The following CFAP57 variants were observed in gnomAD, a reference collection of about 807,000 sequenced individuals.
The protein encoded by CFAP57 is cilia- and flagella-associated protein 57.
A neutral mutation model predicts 146.8 loss-of-function variants in CFAP57; 116 were observed. The observed-to-expected ratio is 0.79, with a 90% CI of 0.68 to 0.92. The LOEUF is 0.92. CFAP57 is among the 40% of genes least tolerant of loss of function. CFAP57 has a pLI of 0.00. For missense variants in CFAP57, 1,377 were observed against 1,527.2 expected (o/e 0.90, Z 1.64); for synonymous variants, 518 against 552.8 (o/e 0.94, Z 0.88).
At chr1:43,239,525 C>T (rs866887987) in intron 21 of CFAP57, among the ~76,000 whole-genome samples, 74 of 152,300 alleles carry the variant, frequency 4.9e-4, no homozygotes, top group African/African-American at 1.7e-3. Flanking sequence ...AGGGAGAACA[C>T]TGAGAGCTGG....
intron 9 of CFAP57, among the ~76,000 whole-genome samples, chr1:43,202,964 G>A (rs1644196960): frequency 6.6e-6 from 1 of 152,056 alleles, no homozygotes; most frequent in South Asian, 2.1e-4. Context: ...ACGAGGTCAG[G>A]AGATGGAGAT....
At chr1:43,224,885 C>T (rs1178247756) in intron 17 of CFAP57, among the ~76,000 whole-genome samples, 1 of 152,168 alleles carries the variant, frequency 6.6e-6, no homozygotes, top group East Asian at 1.9e-4. Flanking sequence ...GCACAGGTTC[C>T]ATTTATTGAC....
At chr1:43,235,669 G>C (rs1336606557) in intron 21 of CFAP57, among the ~76,000 whole-genome samples, 1 of 152,106 alleles carries the variant, frequency 6.6e-6, no homozygotes, top group Non-Finnish European at 1.5e-5. Context: ...GCCATCGGAG[G>C]CCCAGAGATA....
intron 6 of CFAP57, 139 bp downstream of exon 6, chr1:43,186,998 C>A (rs1643171385): frequency 2.0e-6 from 2 of 1,015,356 alleles, no homozygotes; most frequent in Non-Finnish European, 2.9e-6. Flanking sequence ...AAACAAAATT[C>A]TAATTTTAAG....
intron 9 of CFAP57, 96 bp from the exon 10 acceptor site, chr1:43,206,624 C>A: frequency 8.1e-7 from 1 of 1,238,914 alleles, no homozygotes. Flanking sequence ...ACGTTCTGCT[C>A]AGTCTAGTGG....
At position 43,234,310 on chromosome 1, in the gene CFAP57, T is replaced by A. The variant is rs1645597441; in HGVS notation, c.3158T>A (p.Phe1053Tyr). The part of the protein sequence containing the change: ...ERDLEALVKR[F>Y]KTDLHNCVAY... ...GACTTGGAAGCGCTGGTCAAAAGGT[T>A]TAAAACAGACCTCCACAACTGCGTA... The change falls in exon 20 of 23, where the codon TTT becomes TAT. Residue 1053 changes from phenylalanine to tyrosine, a missense_variant. Transcript: ENST00000372492. The A allele has an allele frequency of 1.3e-6, 2 of 1,549,294 alleles. No individual in the cohort carries two copies.
chr1:43,232,424 C>T (rs1228651505), intron 18 of CFAP57, 84 bp from the exon 19 acceptor site: 2 of 1,129,884 alleles, frequency 1.8e-6, no homozygotes, highest in Non-Finnish European at 2.6e-6. Context: ...GGGGTGGCAT[C>T]CCCACTGAAA....
intron 22 of CFAP57, among the ~76,000 whole-genome samples, chr1:43,246,481 G>C (rs78823027): frequency 0.047 from 7,143 of 152,130 alleles, 579 homozygotes; most frequent in African/African-American, 0.16. Context: ...ACATACAAAA[G>C]AATTAAGGTA....
At chr1:43,198,735 G>C in intron 8 of CFAP57, 89 bp downstream of exon 8, 2 of 1,427,716 alleles carry the variant, frequency 1.4e-6, no homozygotes, top group Non-Finnish European at 1.9e-6. Flanking sequence ...GGGGAGGTGG[G>C]ACCAAAATCT....
intron 12 of CFAP57, among the ~76,000 whole-genome samples, chr1:43,217,710 G>C (rs1391884187): frequency 6.6e-6 from 1 of 152,012 alleles, no homozygotes; most frequent in East Asian, 1.9e-4. Context: ...GGTCTATGCA[G>C]TTGCCGCCCA....
At chr1:43,234,717 C>A in intron 21 of CFAP57, 79 bp downstream of exon 21, 1 of 1,464,422 alleles carries the variant, frequency 6.8e-7, no homozygotes, top group Admixed American at 2.4e-5. Flanking sequence ...CCCTCTGAGA[C>A]CACCTGTCTT....
Position 43,238,455 on chromosome 1 carries a change from G to A in CFAP57, c.3405+3817G>A, listed in dbSNP as rs1645785454. On this transcript the variant is annotated intron_variant, in intron 21 of 22. Transcript: ENST00000372492. This position sits in a 1 kb window ranked among gnomAD's most constrained non-coding sequence, Gnocchi z 4.3. ...ACATCCCCCAAGACTTGGCACGTTG[G>A]TGGACCCCAGGTCAGATTTCCTCTG... 6.6e-6 allele frequency among the ~76,000 whole-genome samples: 1 copy of A among 152,174 alleles called. No individual in the cohort carries two copies. Among genetic ancestry groups the A allele is most frequent in the South Asian group, 2.1e-4 (1 of 4,820 alleles).
In CFAP57 at chr1:43,238,450, C is replaced by T. The variant is rs1462453229; in HGVS notation, c.3405+3812C>T. ...GTTTCACATCCCCCAAGACTTGGCA[C>T]GTTGGTGGACCCCAGGTCAGATTTC... On this transcript the variant is annotated intron_variant, in intron 21 of 22. Transcript: ENST00000372492. The surrounding 1 kb of genome is among the most constrained non-coding windows in gnomAD (Gnocchi z 4.3). Among the ~76,000 whole-genome samples, 1 of 152,130 alleles carries T rather than the reference C, an allele frequency of 6.6e-6. No individual in the cohort carries two copies. The highest frequency in any genetic ancestry group is 1.5e-5 in the Non-Finnish European group (1 of 68,032).
intron 6 of CFAP57, among the ~76,000 whole-genome samples, chr1:43,196,711 C>T (rs1643882877): frequency 6.6e-6 from 1 of 152,202 alleles, no homozygotes; most frequent in South Asian, 2.1e-4. Context: ...CCTACATAAC[C>T]AGTGCAGTAG....
intron 22 of CFAP57, among the ~76,000 whole-genome samples, chr1:43,247,291 T>C (rs1424286715): frequency 6.6e-6 from 1 of 152,220 alleles, no homozygotes; most frequent in Non-Finnish European, 1.5e-5. Flanking sequence ...CAGTCTACCC[T>C]GGAGACTACC....
At chr1:43,236,648 G>A (rs994826467) in intron 21 of CFAP57, among the ~76,000 whole-genome samples, 10 of 139,368 alleles carry the variant, frequency 7.2e-5, no homozygotes, top group African/African-American at 1.3e-4. Flanking sequence ...AGTGGCTCAC[G>A]CCTGTAATCC....
chr1:43,177,055 T>C (rs971085864), intron 2 of CFAP57: 1 of 447,460 alleles, frequency 2.2e-6, no homozygotes, highest in African/African-American at 2.0e-5. Context: ...GAGCTCTTAC[T>C]CAGAGTCAAA....
intron 21 of CFAP57, among the ~76,000 whole-genome samples, chr1:43,235,961 T>C (rs898243602): frequency 2.0e-5 from 3 of 152,146 alleles, no homozygotes; most frequent in Non-Finnish European, 4.4e-5. Flanking sequence ...GATCACAGGC[T>C]AGCCAGAGGG....
At chr1:43,197,198 C>CA (rs1454808169) in intron 6 of CFAP57, among the ~76,000 whole-genome samples, 10 of 150,498 alleles carry the variant, frequency 6.6e-5, no homozygotes, top group Non-Finnish European at 1.3e-4. Context: ...ACTAAAAATA[C>CA]AAAAAAAAAT....
Sources: gnomAD v4.1 joint callset for allele counts (sites outside exome capture counted in the v4.1 genomes callset) on GRCh38, gnomAD v4.1.1 for gene constraint, Gnocchi (gnomAD v3.1) non-coding constraint, MANE v1.5 for transcripts, NCBI Gene and HGNC (gene_info 2026-07-23, HGNC 2026-07-21) for gene names.